ATP13A5: variants seen among roughly 807,000 people sequenced by gnomAD.
The protein encoded by ATP13A5 is probable cation-transporting ATPase 13A5.
ATP13A5 carries 149 observed loss-of-function variants against 150.2 expected under a neutral mutation model. The ratio of observed to expected loss-of-function variants is 0.99; its 90% CI spans 0.87 to 1.14. The LOEUF (loss-of-function observed/expected upper bound fraction) is 1.14. Among genes scored for constraint, ATP13A5 ranks in the 50% most tolerant of loss-of-function variants. The pLI, the probability that ATP13A5 is intolerant of heterozygous loss-of-function variation, is 0.00. For missense variants in ATP13A5, 1,383 were observed against 1,449.3 expected (o/e 0.95, Z 0.74); for synonymous variants, 497 against 522.2 (o/e 0.95, Z 0.66).
In ATP13A5 at chr3:193,305,924, C is replaced by T. The variant is rs982468934; in HGVS notation, c.2569-256G>A. On this transcript the variant is annotated intron_variant, in intron 22 of 29. Transcript: ENST00000342358. Reference sequence around the variant, plus strand: ...GTGTGTGCATGTGGGCATGTGCATACAAGGGCCCTGCCTGTGGGGATTATA... The same window carrying T: ...GTGTGTGCATGTGGGCATGTGCATATAAGGGCCCTGCCTGTGGGGATTATA... Among the ~76,000 whole-genome samples, 5 of 152,012 alleles carry T rather than the reference C, an allele frequency of 3.3e-5. No individual in the cohort carries two copies. In the South Asian group the frequency reaches 1.0e-3, roughly 32 times the overall value.
At chr3:193,353,996 G>T in intron 6 of ATP13A5, 131 bp downstream of exon 6, 1 of 646,092 alleles carries the variant, frequency 1.5e-6, no homozygotes, top group Non-Finnish European at 2.5e-6. Flanking sequence ...TTTAAAATAA[G>T]CAGTAACAAA....
chr3:193,332,263 C>T (rs1711662359), intron 11 of ATP13A5, among the ~76,000 whole-genome samples: 1 of 152,212 alleles, frequency 6.6e-6, no homozygotes, highest in Non-Finnish European at 1.5e-5. Context: ...TTCTGCTTTG[C>T]CTTCCAACCA....
At chr3:193,358,924 G>A (rs1712895239) in intron 5 of ATP13A5, among the ~76,000 whole-genome samples, 1 of 152,120 alleles carries the variant, frequency 6.6e-6, no homozygotes, top group African/African-American at 2.4e-5. Context: ...GTAGGGCTTT[G>A]CTCTAAATAA....
Position 193,354,203 on chromosome 3 carries a change from GA to G in ATP13A5, c.537-8del. On this transcript the variant is annotated splice_polypyrimidine_tract_variant and splice_region_variant and intron_variant, in intron 5 of 29. Transcript: ENST00000342358. ...GGGCCCACACACTAATCTTCTGCGG[GA>G]AATTGATCATCCATTAGTGTCATAG... 1 of 1,609,310 alleles carries G rather than the reference GA, an allele frequency of 6.2e-7. No individual in the cohort carries two copies. The highest frequency in any genetic ancestry group is 1.1e-5 in the South Asian group (1 of 89,648).
rs775941475 is a variant in ATP13A5 at position 193,301,238 on chromosome 3, C to T, written c.2748G>A (p.Gln916=). ...FKYLTMYGII[Q]FISALLLYWQ... Reference sequence around the variant, plus strand: ...AATAGAGCAGTAATGCACTGATAAACTGGATTATGCCGTACATGGTCAAGT... The same window carrying T: ...AATAGAGCAGTAATGCACTGATAAATTGGATTATGCCGTACATGGTCAAGT... Residue 916 remains glutamine (Q), a synonymous_variant, in exon 24 of 30, where the codon CAG becomes CAA. Coordinates refer to ENST00000342358, the MANE Select transcript of ATP13A5 (RefSeq NM_198505.4). 3.7e-6 allele frequency: 6 copies of T among 1,613,380 alleles called. No individual in the cohort carries two copies. Among genetic ancestry groups the T allele is most frequent in the Middle Eastern group, 1.7e-4 (1 of 6,048 alleles).
At chr3:193,301,048 A>G (rs900735410) in intron 24 of ATP13A5, among the ~76,000 whole-genome samples, 163 bp downstream of exon 24, 2 of 152,160 alleles carry the variant, frequency 1.3e-5, no homozygotes, top group Non-Finnish European at 2.9e-5. Context: ...CTAGTTCCAC[A>G]TTTCATGCAC....
Position 193,351,350 on chromosome 3 carries a change from T to C in ATP13A5, c.607-149A>G, listed in dbSNP as rs1712556122. On this transcript the variant is annotated intron_variant, in intron 6 of 29. Transcript: ENST00000342358. ...GAATTCACTTAGATCTCTATTGATTTGGGTTGAGAAAATGTCAAACACATA... is the reference window on the plus strand; with the variant it reads ...GAATTCACTTAGATCTCTATTGATTCGGGTTGAGAAAATGTCAAACACATA... 6 of 1,021,140 alleles carry C rather than the reference T, an allele frequency of 5.9e-6. No individual in the cohort carries two copies. In the African/African-American group the frequency reaches 9.8e-5, roughly 17 times the overall value. 63.3% of individuals were successfully genotyped at this position (1,021,140 alleles called of 1,614,324 possible). A position where few individuals can be genotyped will look rare whatever the true frequency, so the allele number is the denominator to read the frequency against.
chr3:193,357,054 T>C (rs1712821012), intron 5 of ATP13A5, among the ~76,000 whole-genome samples: 1 of 152,164 alleles, frequency 6.6e-6, no homozygotes, highest in Non-Finnish European at 1.5e-5. Flanking sequence ...GACCTCGTGA[T>C]CCACCTGACT....
intron 8 of ATP13A5, 52 bp from the exon 9 acceptor site, chr3:193,344,107 T>G (rs776669681): frequency 6.3e-7 from 1 of 1,589,190 alleles, no homozygotes; most frequent in Admixed American, 1.7e-5. Context: ...TGTTTTTACT[T>G]AAGAATGAAG....
At chr3:193,307,161 A>C in intron 22 of ATP13A5, 166 bp downstream of exon 22, 1 of 1,464,542 alleles carries the variant, frequency 6.8e-7, no homozygotes, top group Non-Finnish European at 9.0e-7. Flanking sequence ...ATCTCCCTTT[A>C]CTCCCCTCCG....
intron 11 of ATP13A5, 82 bp from the exon 12 acceptor site, chr3:193,331,393 A>C (rs1577354129): frequency 7.6e-7 from 1 of 1,324,162 alleles, no homozygotes; most frequent in African/African-American, 1.5e-5. Flanking sequence ...GAATGAGCAC[A>C]TTGTCTCCTA....
At chr3:193,301,763 T>C (rs73074713) in intron 23 of ATP13A5, among the ~76,000 whole-genome samples, 5,946 of 152,222 alleles carry the variant, frequency 0.039, 339 homozygotes, top group African/African-American at 0.13. Flanking sequence ...CTTGGAGACA[T>C]AAAGCTAAAG....
chr3:193,359,160 C>T (rs891678845), intron 5 of ATP13A5, among the ~76,000 whole-genome samples: 2 of 152,094 alleles, frequency 1.3e-5, no homozygotes, highest in Non-Finnish European at 2.9e-5. Context: ...ACGTTATTGG[C>T]TTCCAGAAGA....
rs1432202808 is a variant in ATP13A5 at position 193,319,026 on chromosome 3, C to A, written c.1998G>T (p.Lys666Asn). The change falls in exon 17 of 30, where the codon AAG becomes AAT. Residue 666 changes from lysine (K) to asparagine (N), a missense_variant. This residue lies in a region of ATP13A5 where 28 missense variants were observed against 55.9 expected (regional missense o/e 0.50). Transcript: ENST00000342358. ...GCTCGACTTCTGAAAGATTCCCCAT[C>A]TTTAAGGTTTTGTGGGCAAGAGCAA... ...RVIALAHKTL[K>N]MGNLSEVEHL... 6.2e-7 allele frequency: 1 copy of A among 1,613,924 alleles called. No homozygotes were observed. Among genetic ancestry groups the A allele is most frequent in the South Asian group, 1.1e-5 (1 of 91,064 alleles).
intron 5 of ATP13A5, among the ~76,000 whole-genome samples, chr3:193,360,281 C>G (rs1712955544): frequency 6.7e-6 from 1 of 149,008 alleles, no homozygotes; most frequent in African/African-American, 2.4e-5. Flanking sequence ...AAAGTGAGAA[C>G]TATGTAAATC....
intron 7 of ATP13A5, among the ~76,000 whole-genome samples, chr3:193,345,643 A>G (rs1465502702): frequency 6.6e-6 from 1 of 152,182 alleles, no homozygotes; most frequent in Non-Finnish European, 1.5e-5. Context: ...GAGTCGCTGA[A>G]GATTGGCCAA....
intron 6 of ATP13A5, among the ~76,000 whole-genome samples, chr3:193,351,608 T>A (rs1238676450): frequency 3.3e-5 from 5 of 152,202 alleles, no homozygotes; most frequent in Non-Finnish European, 7.4e-5. Context: ...TATAATCACA[T>A]GCTGCAGATT....
chr3:193,315,966 C>T (rs1719037684), intron 17 of ATP13A5, among the ~76,000 whole-genome samples: 2 of 152,072 alleles, frequency 1.3e-5, no homozygotes, highest in Admixed American at 1.3e-4. Context: ...TTCCCCCTCC[C>T]CCTAGCCCTT....
intron 2 of ATP13A5, among the ~76,000 whole-genome samples, chr3:193,363,803 C>T (rs1030283454): frequency 7.9e-5 from 12 of 152,218 alleles, no homozygotes; most frequent in Middle Eastern, 3.4e-3. Context: ...GGTCTCTAAA[C>T]GCTGTAACAC....
Sources: gnomAD v4.1 joint callset for allele counts (sites outside exome capture counted in the v4.1 genomes callset) on GRCh38, gnomAD v4.1.1 for gene constraint, gnomAD v4.1.1 regional missense constraint, MANE v1.5 for transcripts, NCBI Gene and HGNC (gene_info 2026-07-23, HGNC 2026-07-21) for gene names.